DAP: variants seen among roughly 807,000 people sequenced by gnomAD.
DAP encodes death associated protein, also known as death-associated protein 1.
Under a neutral mutation model 13.8 loss-of-function variants are expected in DAP, and 8 were observed. That is an observed-to-expected ratio of 0.58 (90% CI 0.34 to 1.05). DAP has a LOEUF of 1.05. Ranked by LOEUF, DAP falls within the 50% of genes least tolerant of loss-of-function variation. The pLI is 0.03. For missense variants in DAP, 106 were observed against 133.2 expected (o/e 0.80, Z 1.01); for synonymous variants, 47 against 47.5 (o/e 0.99, Z 0.04).
intron 2 of DAP, among the ~76,000 whole-genome samples, chr5:10,733,006 G>C (rs1317092464): frequency 6.6e-6 from 1 of 152,242 alleles, no homozygotes; most frequent in Non-Finnish European, 1.5e-5. Context: ...CTATGAGTCT[G>C]ACTACTTTAG....
chr5:10,758,108 T>C (rs1390504592), intron 1 of DAP, among the ~76,000 whole-genome samples: 2 of 152,220 alleles, frequency 1.3e-5, no homozygotes, highest in Non-Finnish European at 2.9e-5. Context: ...TTTAAGCACT[T>C]AATGAAAGCA....
chr5:10,692,175 C>A (rs1180238329), intron 2 of DAP, among the ~76,000 whole-genome samples: 1 of 152,174 alleles, frequency 6.6e-6, no homozygotes, highest in Non-Finnish European at 1.5e-5. Context: ...AACTATTTAA[C>A]TCAATATATT....
intron 2 of DAP, among the ~76,000 whole-genome samples, chr5:10,699,598 T>TGTCCTTATTGACAGGAAGGACTTCC: frequency 6.6e-6 from 1 of 152,206 alleles, no homozygotes; most frequent in Non-Finnish European, 1.5e-5. Context: ...AAACTAAGAA[T>TGTCCTTATTGACAGGAAGGACTTCC]GTCCTTATTG....
At chr5:10,706,011 C>T (rs977937760) in intron 2 of DAP, among the ~76,000 whole-genome samples, 2 of 152,198 alleles carry the variant, frequency 1.3e-5, no homozygotes, top group African/African-American at 4.8e-5. Flanking sequence ...GTCACCTCCG[C>T]CCTCTGGACT....
chr5:10,722,753 C>A (rs1739187412), intron 2 of DAP, among the ~76,000 whole-genome samples: 1 of 151,974 alleles, frequency 6.6e-6, no homozygotes, highest in Non-Finnish European at 1.5e-5. Context: ...AAAATGACAA[C>A]ATCTAAGTGA....
At chr5:10,749,504 G>A (rs925428484) in intron 1 of DAP, among the ~76,000 whole-genome samples, 4 of 150,724 alleles carry the variant, frequency 2.7e-5, no homozygotes, top group African/African-American at 1.0e-4. Flanking sequence ...CCTAGTGGGT[G>A]TGAAGTGGTC....
chr5:10,738,349 G>C (rs756311884), intron 2 of DAP, among the ~76,000 whole-genome samples: 2 of 152,250 alleles, frequency 1.3e-5, no homozygotes, highest in Non-Finnish European at 2.9e-5. Context: ...ATTACAAAGG[G>C]TAAAATAGTA....
intron 2 of DAP, among the ~76,000 whole-genome samples, chr5:10,729,457 T>G (rs923327029): frequency 8.5e-5 from 13 of 152,244 alleles, no homozygotes; most frequent in African/African-American, 2.9e-4. Flanking sequence ...AAGATTGCCC[T>G]AAATTTCATT....
At position 10,715,460 on chromosome 5, in the gene DAP, G is replaced by A. The variant is rs532462550; in HGVS notation, c.153-31889C>T. On this transcript the variant is annotated intron_variant, in intron 2 of 3. Transcript: ENST00000230895. ...CCACCCTTGGGGACATGGAGTAGAAGCCTGAGCTGCCGGGGGCTTCCTACA... is the reference window on the plus strand; with the variant it reads ...CCACCCTTGGGGACATGGAGTAGAAACCTGAGCTGCCGGGGGCTTCCTACA... Among the ~76,000 whole-genome samples, 4 of 152,210 alleles carry A rather than the reference G, an allele frequency of 2.6e-5. No individual in the cohort carries two copies. In the South Asian group the frequency reaches 8.3e-4, roughly 32 times the overall value.
intron 1 of DAP, among the ~76,000 whole-genome samples, chr5:10,758,943 T>G (rs1043047848): frequency 2.6e-5 from 4 of 152,202 alleles, no homozygotes; most frequent in Non-Finnish European, 1.5e-5. Context: ...TATGGGCACT[T>G]TGGAAGGCTG....
chr5:10,718,042 C>T (rs1319316099), intron 2 of DAP, among the ~76,000 whole-genome samples: 2 of 152,172 alleles, frequency 1.3e-5, no homozygotes, highest in Non-Finnish European at 2.9e-5. Flanking sequence ...AAGGACCCTA[C>T]TACATTACCA....
At chr5:10,720,902 G>A (rs969340376) in intron 2 of DAP, among the ~76,000 whole-genome samples, 14 of 152,202 alleles carry the variant, frequency 9.2e-5, no homozygotes, top group African/African-American at 1.9e-4. Context: ...ACTACCAGCC[G>A]TGGACTCGCG....
At position 10,699,767 on chromosome 5, in the gene DAP, T is replaced by C. The variant is rs77944143; in HGVS notation, c.153-16196A>G. ...GGCAGGGGCAGGAAGCAAGGGGAAT[T>C]CCAGAGTGTGCTGCACTAGGCCCCA... On this transcript the variant is annotated intron_variant, in intron 2 of 3. Transcript: ENST00000230895. Among the ~76,000 whole-genome samples the C allele has an allele frequency of 9.4e-5, 4 of 42,528 alleles. No homozygotes were observed. The African/African-American group carries it at 1.1e-3, about 12-fold the overall frequency. The allele number at this position is 42,528 out of a possible 152,430, so 27.9% of individuals were successfully genotyped here.
rs375822057 is a variant in DAP, at chr5:10,735,797, T to C, written c.152+12378A>G. 7.2e-5 allele frequency among the ~76,000 whole-genome samples: 11 copies of C among 152,288 alleles called. No individual in the cohort carries two copies. In the East Asian group the frequency reaches 2.1e-3, roughly 29 times the overall value. On this transcript the variant is annotated intron_variant, in intron 2 of 3. Coordinates refer to ENST00000230895, the MANE Select transcript of DAP (RefSeq NM_004394.3). ...AGTTAATAAATTATCGTGCTGTCAT[T>C]GCTGTTGGAATGCCAACAGAGCCAG...
At chr5:10,697,131 A>G (rs562083407) in intron 2 of DAP, among the ~76,000 whole-genome samples, 14 of 152,316 alleles carry the variant, frequency 9.2e-5, no homozygotes, top group African/African-American at 3.4e-4. Flanking sequence ...CTAAAGCTAC[A>G]TTGTTGGGAG....
Position 10,707,818 on chromosome 5 carries a change from T to C in DAP, c.153-24247A>G, listed in dbSNP as rs1192900000. 2.6e-5 allele frequency among the ~76,000 whole-genome samples: 4 copies of C among 152,210 alleles called. No homozygotes were observed. The highest frequency in any genetic ancestry group is 4.4e-5 in the Non-Finnish European group (3 of 68,036). ...AGATGGTGTGATGGATGGGTGGCAC[T>C]GGATGAGTACTGGCTCTGCTCATCA... On this transcript the variant is annotated intron_variant, in intron 2 of 3. Transcript: ENST00000230895. The surrounding 1 kb of genome is among the most constrained non-coding windows in gnomAD (Gnocchi z 4.0).
chr5:10,729,895 C>T (rs949031550), intron 2 of DAP, among the ~76,000 whole-genome samples: 5 of 152,244 alleles, frequency 3.3e-5, no homozygotes, highest in Admixed American at 1.3e-4. Context: ...TGTGGGCCCA[C>T]GAGGACCCTG....
intron 2 of DAP, among the ~76,000 whole-genome samples, chr5:10,702,985 C>G (rs992400872): frequency 6.6e-6 from 1 of 152,242 alleles, no homozygotes; most frequent in Admixed American, 6.5e-5. Context: ...CAGCCAGAGT[C>G]TCAAATGCCT....
chr5:10,746,369 G>C (rs947949065), intron 2 of DAP, among the ~76,000 whole-genome samples: 3 of 129,328 alleles, frequency 2.3e-5, no homozygotes, highest in Admixed American at 8.4e-5. Context: ...TTGTTCTGTT[G>C]CCCAGGCTGG....
Sources: allele counts gnomAD v4.1 joint callset (sites outside exome capture counted in the v4.1 genomes callset), GRCh38; gene constraint gnomAD v4.1.1; non-coding constraint Gnocchi (gnomAD v3.1); transcripts MANE v1.5; gene names NCBI Gene and HGNC (gene_info 2026-07-23, HGNC 2026-07-21).